The following ARHGAP11A variants were observed in gnomAD, a reference collection of about 807,000 sequenced individuals.
ARHGAP11A encodes Rho GTPase activating protein 11A, also known as rho GTPase-activating protein 11A.
Under a neutral mutation model 60.5 loss-of-function variants are expected in ARHGAP11A, and 36 were observed. The observed-to-expected ratio is 0.59, with a 90% CI of 0.46 to 0.79. The LOEUF (loss-of-function observed/expected upper bound fraction) is 0.79, where lower values mean the gene tolerates loss of function less well. Ranked by LOEUF, ARHGAP11A falls within the 30% of genes least tolerant of loss-of-function variation. The pLI, the probability that ARHGAP11A is intolerant of heterozygous loss-of-function variation, is 0.00. For missense variants in ARHGAP11A, 1,071 were observed against 1,199.2 expected (o/e 0.89, Z 1.58); for synonymous variants, 362 against 415.5 (o/e 0.87, Z 1.57).
chr15:32,625,489 C>T lies in ARHGAP11A; in HGVS notation c.718C>T (p.Arg240Cys), dbSNP rs751204257. The change falls in exon 6 of 12, where the codon CGT (arginine) becomes TGT (cysteine). Residue 240 changes from arginine (R) to cysteine (C), a missense_variant and splice_region_variant. This residue lies in a region of ARHGAP11A where 196 missense variants were observed against 272.1 expected (regional missense o/e 0.72). Transcript: ENST00000361627. ...TLIDYASDIG[R>C]VPDFILEKIP... ...TACTTGTGAACATTTTCATTTAGGG[C>T]GTGTACCAGATTTTATCCTGGAAAA... 32 of 1,613,630 alleles carry T rather than the reference C, an allele frequency of 2.0e-5. No individual in the cohort carries two copies. The highest frequency in any genetic ancestry group is 4.0e-5 in the African/African-American group (3 of 74,862).
chr15:32,621,523 T>C (rs1010902268), intron 2 of ARHGAP11A, among the ~76,000 whole-genome samples: 2 of 152,296 alleles, frequency 1.3e-5, no homozygotes, highest in Non-Finnish European at 2.9e-5. Context: ...TAGGAAAGTT[T>C]ATGTTTTAAG....
intron 6 of ARHGAP11A, among the ~76,000 whole-genome samples, chr15:32,626,879 G>A (rs2053470753): frequency 6.6e-6 from 1 of 152,260 alleles, no homozygotes; most frequent in Admixed American, 6.5e-5. Context: ...CATTGGATTA[G>A]GGCCCACCCA....
chr15:32,633,501 G>C (rs1489489698), intron 9 of ARHGAP11A, among the ~76,000 whole-genome samples: 1 of 152,094 alleles, frequency 6.6e-6, no homozygotes, highest in African/African-American at 2.4e-5. Flanking sequence ...AATTAGCCAG[G>C]CATGGTGCCA....
rs1331892019 is a variant in ARHGAP11A at position 32,625,770 on chromosome 15, TA to T, written c.862+142del. On this transcript the variant is annotated intron_variant, in intron 6 of 11. Coordinates refer to ENST00000361627, the MANE Select transcript of ARHGAP11A (RefSeq NM_014783.6). ...GCTGGAAAGATAGGACGTATGCGTGTAAAAAGTTAAAGCGATAGTACAATCT... is the reference window on the plus strand; with the variant it reads ...GCTGGAAAGATAGGACGTATGCGTGTAAAAGTTAAAGCGATAGTACAATCT... 7 of 840,896 alleles carry T rather than the reference TA, an allele frequency of 8.3e-6. No individual in the cohort carries two copies. The East Asian group carries it at 1.7e-4, about 21-fold the overall frequency. 52.1% of individuals were successfully genotyped at this position (840,896 alleles called of 1,614,324 possible).
chr15:32,622,453 G>A (rs904252941), intron 2 of ARHGAP11A, among the ~76,000 whole-genome samples: 4 of 151,958 alleles, frequency 2.6e-5, no homozygotes, highest in South Asian at 2.1e-4. Flanking sequence ...GATTTTCGGC[G>A]TCTGGAATTG....
chr15:32,619,906 T>C (rs913017244), intron 1 of ARHGAP11A, among the ~76,000 whole-genome samples: 1 of 152,164 alleles, frequency 6.6e-6, no homozygotes, highest in Admixed American at 6.5e-5. Context: ...ATCTTTGTAC[T>C]CCCAGCACTC....
chr15:32,620,468 A>G (rs2053269896), intron 2 of ARHGAP11A, among the ~76,000 whole-genome samples: 2 of 151,916 alleles, frequency 1.3e-5, no homozygotes, highest in Admixed American at 1.3e-4. Context: ...AGCATTTCAA[A>G]CTGGTTTTAG....
intron 9 of ARHGAP11A, 133 bp from the exon 10 acceptor site, chr15:32,633,800 T>G: frequency 1.7e-6 from 1 of 605,622 alleles, no homozygotes; most frequent in South Asian, 2.2e-5. Flanking sequence ...AGTTGAACTG[T>G]TTTTAAAGAA....
Position 32,625,065 on chromosome 15 carries a change from G to A in ARHGAP11A, c.552-15G>A, listed in dbSNP as rs534203572. 79 of 1,613,340 alleles carry A rather than the reference G, an allele frequency of 4.9e-5. No homozygotes were observed. The highest frequency in any genetic ancestry group is 1.1e-4 in the East Asian group (5 of 44,852). On this transcript the variant is annotated splice_polypyrimidine_tract_variant and intron_variant, in intron 4 of 11. Coordinates refer to ENST00000361627, the MANE Select transcript of ARHGAP11A (RefSeq NM_014783.6). ...CACGTTTGGCTCCATCTAATAAAGC[G>A]TTTATTCACTTAAGATCCAGTGAGA...
intron 6 of ARHGAP11A, among the ~76,000 whole-genome samples, chr15:32,627,661 G>A (rs955735461): frequency 1.6e-4 from 24 of 152,192 alleles, no homozygotes; most frequent in East Asian, 5.8e-4. Context: ...CCTGGGAGGC[G>A]GAGGTTGTAG....
In ARHGAP11A at chr15:32,638,822, G is replaced by A. The variant is rs560898936; in HGVS notation, c.*977G>A. 7.1e-4 allele frequency: 108 copies of A among 152,658 alleles called. No individual in the cohort carries two copies. Among genetic ancestry groups the A allele is most frequent in the African/African-American group, 2.6e-3 (106 of 41,538 alleles). The allele number at this position is 152,658 out of a possible 1,614,324, so 9.5% of individuals were successfully genotyped here. Reference sequence around the variant, plus strand: ...AGATAATTTGCACAAACACGTTTGTGTCTGTTCTGTCCAATATAGATTTGG... The same window carrying A: ...AGATAATTTGCACAAACACGTTTGTATCTGTTCTGTCCAATATAGATTTGG... On this transcript the variant is annotated 3_prime_UTR_variant, in exon 12 of 12. Coordinates refer to ENST00000361627, the MANE Select transcript of ARHGAP11A (RefSeq NM_014783.6).
chr15:32,623,560 G>C lies in ARHGAP11A; in HGVS notation c.269G>C (p.Gly90Ala), dbSNP rs1200699067. The C allele has an allele frequency of 6.2e-7, 1 of 1,614,046 alleles. No individual in the cohort carries two copies. Among genetic ancestry groups the C allele is most frequent in the Non-Finnish European group, 8.5e-7 (1 of 1,179,984 alleles). Residue 90 changes from glycine to alanine, a missense_variant, in exon 3 of 12, where the codon GGA (glycine) becomes GCA (alanine). Around this residue, in one of 4 missense-constraint regions of ARHGAP11A, gnomAD observed 71 missense variants for 142.4 expected, o/e 0.50. Coordinates refer to ENST00000361627, the MANE Select transcript of ARHGAP11A (RefSeq NM_014783.6). Reference sequence around the variant, plus strand: ...ACCGAAGGGCTTTTTCGGAAATCAGGATCTGTGATTCGCCTAAAAGCACTA... The same window carrying C: ...ACCGAAGGGCTTTTTCGGAAATCAGCATCTGTGATTCGCCTAAAAGCACTA... ...IHTEGLFRKS[G>A]SVIRLKALKN...
chr15:32,620,480 G>A (rs2053270265), intron 2 of ARHGAP11A, among the ~76,000 whole-genome samples: 2 of 151,794 alleles, frequency 1.3e-5, no homozygotes, highest in Non-Finnish European at 2.9e-5. Context: ...TGGTTTTAGA[G>A]AGTTTAAAAG....
rs543329615 is a variant in ARHGAP11A, at chr15:32,620,325, T to C, written c.200+147T>C. ...CATGGTGAGACCTTGTCGCAAAAGA[T>C]AGAAAAATTAGCTTGGCGGAGCACA... On this transcript the variant is annotated intron_variant, in intron 2 of 11. Coordinates refer to ENST00000361627, the MANE Select transcript of ARHGAP11A (RefSeq NM_014783.6). 3.2e-5 allele frequency: 46 copies of C among 1,418,356 alleles called. No individual in the cohort carries two copies. In the East Asian group the frequency reaches 7.4e-4, roughly 23 times the overall value. 87.9% of individuals were successfully genotyped at this position (1,418,356 alleles called of 1,614,324 possible). A position where few individuals can be genotyped will look rare whatever the true frequency, so the allele number is the denominator to read the frequency against.
In ARHGAP11A at chr15:32,638,151, G is replaced by A; in HGVS notation, c.*306G>A. 1 of 231,232 alleles carries A rather than the reference G, an allele frequency of 4.3e-6. No individual in the cohort carries two copies. The highest frequency in any genetic ancestry group is 8.3e-6 in the Non-Finnish European group (1 of 120,216). The allele number at this position is 231,232 out of a possible 1,614,324, so 14.3% of individuals were successfully genotyped here. On this transcript the variant is annotated 3_prime_UTR_variant, in exon 12 of 12. Coordinates refer to ENST00000361627, the MANE Select transcript of ARHGAP11A (RefSeq NM_014783.6). ...TGGAGTGCAGTGGCGCAATCTCACT[G>A]CAAGCTCCACTTCCTGGGTTCATGC...
At chr15:32,615,189 G>A (rs1595753248), upstream of ARHGAP11A, 1 of 152,112 alleles carries the variant, frequency 6.6e-6, no homozygotes, top group African/African-American at 2.4e-5. Context: ...AGCCAAGCTC[G>A]GAAAAGAACG....
chr15:32,629,160 C>CT, intron 7 of ARHGAP11A, among the ~76,000 whole-genome samples: 1 of 146,926 alleles, frequency 6.8e-6, no homozygotes, highest in South Asian at 2.2e-4. Flanking sequence ...TTCTAATTTG[C>CT]TTGTGGCTGA....
At chr15:32,623,107 TAGTG>T (rs1370027713) in intron 2 of ARHGAP11A, among the ~76,000 whole-genome samples, 24 of 150,828 alleles carry the variant, frequency 1.6e-4, no homozygotes, top group Admixed American at 2.6e-4. Context: ...CAGAGGCTGT[TAGTG>T]AGCTTGAAGA....
Position 32,637,196 on chromosome 15 carries a change from C to T in ARHGAP11A, c.2423C>T (p.Ser808Phe). The change falls in exon 12 of 12, where the codon TCT (serine) becomes TTT (phenylalanine). Residue 808 changes from serine (S) to phenylalanine (F), a missense_variant. This residue lies in a region of ARHGAP11A where 776 missense variants were observed against 760.2 expected (regional missense o/e 1.02). Coordinates refer to ENST00000361627, the MANE Select transcript of ARHGAP11A (RefSeq NM_014783.6). Reference protein sequence around the residue: ...SSQMTEHRKVSDHIQWFNKLS... With the variant: ...SSQMTEHRKVFDHIQWFNKLS... ...CAAATGACAGAACATAGAAAGGTTT[C>T]TGATCACATACAGTGGTTTAACAAG... The T allele has an allele frequency of 6.2e-7, 1 of 1,614,180 alleles. No homozygotes were observed. The highest frequency in any genetic ancestry group is 8.5e-7 in the Non-Finnish European group (1 of 1,180,026).
Sources: allele counts gnomAD v4.1 joint callset (sites outside exome capture counted in the v4.1 genomes callset), GRCh38; gene constraint gnomAD v4.1.1; regional missense constraint gnomAD v4.1.1; transcripts MANE v1.5; gene names NCBI Gene and HGNC (gene_info 2026-07-23, HGNC 2026-07-21).